SYCP2: variants seen among roughly 807,000 people sequenced by gnomAD.
SYCP2 encodes synaptonemal complex protein 2, also known as synaptonemal complex lateral element protein.
SYCP2 carries 55 observed loss-of-function variants against 211.3 expected under a neutral mutation model. That is an observed-to-expected ratio of 0.26 (90% CI 0.21 to 0.33). The LOEUF is 0.33. Ranked by LOEUF, SYCP2 falls within the 10% of genes least tolerant of loss-of-function variation. SYCP2 has a pLI of 1.00. For missense variants in SYCP2, 1,731 were observed against 1,752.0 expected (o/e 0.99, Z 0.21); for synonymous variants, 570 against 555.2 (o/e 1.03, Z -0.37).
At position 59,867,795 on chromosome 20, in the gene SYCP2, C is replaced by A. The variant is rs760266779; in HGVS notation, c.4041G>T (p.Glu1347Asp). 2.1e-5 allele frequency: 34 copies of A among 1,609,404 alleles called. No homozygotes were observed. The Admixed American group carries it at 5.5e-4, about 26-fold the overall frequency. Residue 1347 changes from glutamate (E) to aspartate (D), a missense_variant, in exon 39 of 45, where the codon GAG (glutamate) becomes GAT (aspartate). Around this residue, in one of 3 missense-constraint regions of SYCP2, gnomAD observed 1,387 missense variants for 1,351.3 expected, o/e 1.03. Transcript: ENST00000357552. ...TCCCTGCAAATTCATTTTGCCAGGT[C>A]TCCCAAGGAATAGAAAAGTCATTTG... ...LSTNDFSIPW[E>D]TWQNEFAGIE... is the part of the protein sequence containing the mutation.
At chr20:59,864,438 A>G in intron 44 of SYCP2, 50 bp from the exon 45 acceptor site, 3 of 1,258,690 alleles carry the variant, frequency 2.4e-6, no homozygotes, top group Non-Finnish European at 3.4e-6. Context: ...TTTTCGCTGT[A>G]AAACCACCAA....
At chr20:59,913,011 C>T (rs1163253831) in intron 12 of SYCP2, among the ~76,000 whole-genome samples, 1 of 152,168 alleles carries the variant, frequency 6.6e-6, no homozygotes, top group African/African-American at 2.4e-5. Context: ...GTCTCAGTCT[C>T]CAGTATGTCT....
At chr20:59,880,902 C>A in intron 30 of SYCP2, 64 bp downstream of exon 30, 1 of 770,762 alleles carries the variant, frequency 1.3e-6, no homozygotes. Context: ...TTTTGATAAT[C>A]TTTAACATTA....
In SYCP2 at chr20:59,868,577, C is replaced by G. The variant is rs1391010758; in HGVS notation, c.3833-9G>C. ...AAGATGTTGGGTGGGGCCTTAGGAACAGTTAAAGAAAGTTAAAAGCGCTGC... is the reference window on the plus strand; with the variant it reads ...AAGATGTTGGGTGGGGCCTTAGGAAGAGTTAAAGAAAGTTAAAAGCGCTGC... On this transcript the variant is annotated splice_polypyrimidine_tract_variant and intron_variant, in intron 37 of 44. Coordinates refer to ENST00000357552, the MANE Select transcript of SYCP2 (RefSeq NM_014258.4). 8.2e-6 allele frequency: 13 copies of G among 1,579,814 alleles called. No homozygotes were observed. The highest frequency in any genetic ancestry group is 1.0e-5 in the Non-Finnish European group (12 of 1,170,468).
chr20:59,906,327 G>T (rs1238774080), intron 15 of SYCP2, among the ~76,000 whole-genome samples: 6 of 152,066 alleles, frequency 3.9e-5, no homozygotes, highest in Non-Finnish European at 8.8e-5. Flanking sequence ...AATCAAAACA[G>T]TGTGGTACTG....
chr20:59,929,323 C>T (rs947763140), intron 2 of SYCP2, among the ~76,000 whole-genome samples: 3 of 152,126 alleles, frequency 2.0e-5, no homozygotes, highest in Non-Finnish European at 4.4e-5. Context: ...CAAATAACTG[C>T]ACTTTGAAAA....
intron 18 of SYCP2, 92 bp from the exon 19 acceptor site, chr20:59,896,620 A>AT: frequency 6.3e-6 from 4 of 637,614 alleles, no homozygotes; most frequent in Non-Finnish European, 1.1e-5. Flanking sequence ...GCCTTGATAC[A>AT]TGCCAAAGAT....
chr20:59,878,259 G>T (rs1385206422), intron 31 of SYCP2, among the ~76,000 whole-genome samples: 1 of 152,118 alleles, frequency 6.6e-6, no homozygotes, highest in Non-Finnish European at 1.5e-5. Flanking sequence ...CTCTTCTGCT[G>T]AAGAATCTGG....
chr20:59,883,484 G>GTA (rs1347546158), intron 26 of SYCP2, among the ~76,000 whole-genome samples: 1 of 152,036 alleles, frequency 6.6e-6, no homozygotes, highest in South Asian at 2.1e-4. Context: ...TGTGGTGCGT[G>GTA]TATATATATG....
At position 59,881,813 on chromosome 20, in the gene SYCP2, A is replaced by T. The variant is rs572272206; in HGVS notation, c.2658+132T>A. 194 of 610,886 alleles carry T rather than the reference A, an allele frequency of 3.2e-4. 1 individual carries two copies. Among genetic ancestry groups the T allele is most frequent in the Middle Eastern group, 2.4e-3 (5 of 2,122 alleles). The allele number at this position is 610,886 out of a possible 1,614,324, so 37.8% of individuals were successfully genotyped here. ...AATATACGTAGGCTGGTTATCCAAA[A>T]TATTATTATATATTTCTTAAAAATT... On this transcript the variant is annotated intron_variant, in intron 28 of 44. Coordinates refer to ENST00000357552, the MANE Select transcript of SYCP2 (RefSeq NM_014258.4).
At chr20:59,932,493 T>C (rs1383885249) in intron 1 of SYCP2, among the ~76,000 whole-genome samples, 2 of 152,024 alleles carry the variant, frequency 1.3e-5, no homozygotes, top group African/African-American at 2.4e-5. Context: ...CGGGCCAACA[T>C]GGAGAAAACC....
chr20:59,878,563 C>A (rs2059604706), intron 31 of SYCP2, among the ~76,000 whole-genome samples: 1 of 152,140 alleles, frequency 6.6e-6, no homozygotes, highest in Admixed American at 6.6e-5. Context: ...AATGCTGAAT[C>A]TACTTACGTA....
chr20:59,911,120 G>T (rs1338703286), intron 14 of SYCP2, among the ~76,000 whole-genome samples: 1 of 152,124 alleles, frequency 6.6e-6, no homozygotes, highest in East Asian at 1.9e-4. Flanking sequence ...CTCTTACTCA[G>T]ATTTTGGCAA....
intron 15 of SYCP2, among the ~76,000 whole-genome samples, chr20:59,902,887 AATG>A (rs1400036479): frequency 2.0e-4 from 30 of 152,238 alleles, no homozygotes; most frequent in Middle Eastern, 3.4e-3. Flanking sequence ...TGGCTTTAAA[AATG>A]ATGTTTCATG....
chr20:59,912,727 G>A (rs988212163), intron 12 of SYCP2, among the ~76,000 whole-genome samples: 4 of 151,936 alleles, frequency 2.6e-5, no homozygotes, highest in African/African-American at 7.3e-5. Flanking sequence ...GAATGGTACT[G>A]TCATAATTCC....
chr20:59,895,222 A>C (rs538887619), intron 20 of SYCP2, among the ~76,000 whole-genome samples: 1 of 152,142 alleles, frequency 6.6e-6, no homozygotes. Flanking sequence ...AAATCAAGTT[A>C]TAGTGAATTA....
At chr20:59,889,652 C>T (rs1369672828) in intron 24 of SYCP2, among the ~76,000 whole-genome samples, 3 of 151,846 alleles carry the variant, frequency 2.0e-5, no homozygotes, top group Non-Finnish European at 4.4e-5. Flanking sequence ...TTATTAATGT[C>T]CCCTTAAGAT....
At chr20:59,895,645 C>T in intron 19 of SYCP2, 48 bp from the exon 20 acceptor site, 1 of 1,592,464 alleles carries the variant, frequency 6.3e-7, no homozygotes, top group Non-Finnish European at 8.6e-7. Context: ...TTACCTATTG[C>T]TATTATTGAG....
At chr20:59,919,342 A>C (rs1407406420) in intron 6 of SYCP2, 151 bp downstream of exon 6, 2 of 687,884 alleles carry the variant, frequency 2.9e-6, no homozygotes, top group Non-Finnish European at 5.0e-6. Flanking sequence ...ATTTACCAGA[A>C]TAAATGCTTT....
Sources: gnomAD v4.1 joint callset for allele counts (sites outside exome capture counted in the v4.1 genomes callset) on GRCh38, gnomAD v4.1.1 for gene constraint, gnomAD v4.1.1 regional missense constraint, MANE v1.5 for transcripts, NCBI Gene and HGNC (gene_info 2026-07-23, HGNC 2026-07-21) for gene names.